Variants in TNNI3K observed in about 807,000 individuals in gnomAD.
The protein encoded by TNNI3K is serine/threonine-protein kinase TNNI3K.
In TNNI3K, 140 loss-of-function variants were observed where a neutral mutation model predicts 114.5. That is an observed-to-expected ratio of 1.22 (90% CI 1.07 to 1.41). The LOEUF is 1.41. Among genes scored for constraint, TNNI3K ranks in the 40% most tolerant of loss-of-function variants. The probability of loss-of-function intolerance (pLI) is 0.00; values close to 1 mark genes in which losing one functional copy is unlikely to be tolerated. For missense variants in TNNI3K, 1,125 were observed against 1,007.6 expected (o/e 1.12, Z -1.58); for synonymous variants, 347 against 347.5 (o/e 1.00, Z 0.02).
chr1:74,255,581 C>A (rs995705846), intron 4 of TNNI3K, among the ~76,000 whole-genome samples: 1 of 152,082 alleles, frequency 6.6e-6, no homozygotes, highest in African/African-American at 2.4e-5. Context: ...ATGATTAATC[C>A]TCATACATCT....
chr1:74,402,196 T>C (rs1664399314), intron 17 of TNNI3K, among the ~76,000 whole-genome samples: 1 of 152,138 alleles, frequency 6.6e-6, no homozygotes, highest in Non-Finnish European at 1.5e-5. Context: ...ATTATGTGAC[T>C]TTTGAAAAGG....
chr1:74,328,352 C>A (rs894416755), intron 5 of TNNI3K, among the ~76,000 whole-genome samples: 17 of 152,044 alleles, frequency 1.1e-4, no homozygotes, highest in African/African-American at 4.1e-4. Flanking sequence ...AGTAAAATAA[C>A]TTGATAGGTA....
rs541090980 is a variant in TNNI3K, at chr1:74,253,568, C to T, written c.333+2799C>T. On this transcript the variant is annotated intron_variant, in intron 4 of 24. Coordinates refer to ENST00000326637, the MANE Select transcript of TNNI3K (RefSeq NM_015978.3). The stretch of plus-strand genomic sequence containing the variant: ...CTGCTGGGGGACCCGGAGCACCCTC[C>T]GCAGCTGCTGGCCCGGGTGCTAATC... Among the ~76,000 whole-genome samples, 5 of 152,312 alleles carry T rather than the reference C, an allele frequency of 3.3e-5. No homozygotes were observed. The East Asian group carries it at 5.8e-4, about 18-fold the overall frequency.
chr1:74,343,181 T>A lies in TNNI3K; in HGVS notation c.932+2T>A. ...CTTCAGTGAAACAGCTTTTCATAGGTAAAAGAATATTTAAGTGCAATAGCC... is the reference window on the plus strand; with the variant it reads ...CTTCAGTGAAACAGCTTTTCATAGGAAAAAGAATATTTAAGTGCAATAGCC... On this transcript the variant is annotated splice_donor_variant, in intron 9 of 24. Transcript: ENST00000326637. LOFTEE classifies it high-confidence loss of function. The A allele has an allele frequency of 6.2e-7, 1 of 1,607,900 alleles. No homozygotes were observed. Among genetic ancestry groups the A allele is most frequent in the Non-Finnish European group, 8.5e-7 (1 of 1,176,970 alleles).
At chr1:74,480,930 C>T (rs1668467050) in intron 21 of TNNI3K, 2 of 716,968 alleles carry the variant, frequency 2.8e-6, no homozygotes, top group African/African-American at 1.7e-5. Flanking sequence ...GAGAGATATC[C>T]ATCGGTGATG....
At chr1:74,292,403 T>C (rs1657737982) in intron 5 of TNNI3K, among the ~76,000 whole-genome samples, 1 of 151,614 alleles carries the variant, frequency 6.6e-6, no homozygotes, top group Non-Finnish European at 1.5e-5. Context: ...TAAGTTGTAA[T>C]ATATTTTGTT....
chr1:74,472,120 G>C, intron 21 of TNNI3K: 1 of 717,188 alleles, frequency 1.4e-6, no homozygotes, highest in Admixed American at 2.0e-5. Context: ...TGATTCATTT[G>C]TTAAACGCTT....
chr1:74,504,533 G>A (rs1669791842), intron 23 of TNNI3K, among the ~76,000 whole-genome samples: 1 of 151,916 alleles, frequency 6.6e-6, no homozygotes, highest in Non-Finnish European at 1.5e-5. Context: ...GTAAAAGAAA[G>A]AACATCAAAC....
At chr1:74,335,931 G>A in intron 6 of TNNI3K, 80 bp from the exon 7 acceptor site, 3 of 1,461,204 alleles carry the variant, frequency 2.1e-6, no homozygotes, top group Non-Finnish European at 2.7e-6. Flanking sequence ...GTTTAAGCCA[G>A]TTGTGTTCTT....
intron 5 of TNNI3K, among the ~76,000 whole-genome samples, chr1:74,274,839 A>G (rs559388163): frequency 1.3e-5 from 2 of 152,170 alleles, no homozygotes; most frequent in South Asian, 4.1e-4. Flanking sequence ...CTCTTACACT[A>G]TTCTACAGCT....
intron 4 of TNNI3K, among the ~76,000 whole-genome samples, chr1:74,265,054 A>T (rs1206925351): frequency 6.6e-6 from 1 of 152,032 alleles, no homozygotes; most frequent in Non-Finnish European, 1.5e-5. Flanking sequence ...GAGAAATAAC[A>T]TGATGTATTA....
intron 5 of TNNI3K, among the ~76,000 whole-genome samples, chr1:74,321,846 A>G (rs1165973560): frequency 6.6e-6 from 1 of 152,130 alleles, no homozygotes; most frequent in Non-Finnish European, 1.5e-5. Flanking sequence ...TTAATTAGAG[A>G]TATGTCAAGA....
chr1:74,532,627 C>T (rs549131401), intron 23 of TNNI3K, among the ~76,000 whole-genome samples: 6 of 151,298 alleles, frequency 4.0e-5, no homozygotes, highest in South Asian at 2.1e-4. Flanking sequence ...CCTCCCCCCT[C>T]GCCCCACCCC....
chr1:74,461,817 T>G (rs2100719184), intron 20 of TNNI3K, among the ~76,000 whole-genome samples: 1 of 152,346 alleles, frequency 6.6e-6, no homozygotes, highest in South Asian at 2.1e-4. Flanking sequence ...CATAAATGAA[T>G]AATCTATGAA....
chr1:74,299,363 G>GTGTAAGC (rs1658180518), intron 5 of TNNI3K, among the ~76,000 whole-genome samples: 1 of 152,080 alleles, frequency 6.6e-6, no homozygotes, highest in African/African-American at 2.4e-5. Flanking sequence ...TACGTTGTTA[G>GTGTAAGC]TGTAAGCGTA....
At chr1:74,441,160 A>G (rs970761963) in intron 20 of TNNI3K, among the ~76,000 whole-genome samples, 3 of 152,088 alleles carry the variant, frequency 2.0e-5, no homozygotes, top group African/African-American at 7.2e-5. Flanking sequence ...ATAAATATAT[A>G]CAGCTGTATA....
chr1:74,374,061 T>G (rs1282108411), intron 17 of TNNI3K: 1 of 151,922 alleles, frequency 6.6e-6, no homozygotes, highest in Non-Finnish European at 1.5e-5. Flanking sequence ...TAGTACAATG[T>G]AAATGCTCTG....
chr1:74,514,617 A>G (rs1646321721), intron 23 of TNNI3K, among the ~76,000 whole-genome samples: 1 of 152,178 alleles, frequency 6.6e-6, no homozygotes. Context: ...TGGTCAAAAC[A>G]GGAAACATCT....
In TNNI3K at chr1:74,235,975, A is replaced by G. The variant is rs1653831579; in HGVS notation, c.41-127A>G. ...ACATCTGCATTTTAAACACACAATC[A>G]GTAATTTAAATTAAGTATTGTAGAA... On this transcript the variant is annotated intron_variant, in intron 1 of 24. Coordinates refer to ENST00000326637, the MANE Select transcript of TNNI3K (RefSeq NM_015978.3). 4 of 569,816 alleles carry G rather than the reference A, an allele frequency of 7.0e-6. No homozygotes were observed. In the South Asian group the frequency reaches 1.1e-4, roughly 16 times the overall value. The allele number at this position is 569,816 out of a possible 1,614,324, so 35.3% of individuals were successfully genotyped here. A position where few individuals can be genotyped will look rare whatever the true frequency, so the allele number is the denominator to read the frequency against.
Sources: gnomAD v4.1 joint callset for allele counts (sites outside exome capture counted in the v4.1 genomes callset) on GRCh38, gnomAD v4.1.1 for gene constraint, MANE v1.5 for transcripts, NCBI Gene and HGNC (gene_info 2026-07-23, HGNC 2026-07-21) for gene names.